The following GBE1 variants were observed in gnomAD, a reference collection of about 807,000 sequenced individuals.
GBE1 encodes 1,4-alpha-glucan-branching enzyme.
In GBE1, 70 loss-of-function variants were observed where a neutral mutation model predicts 88.8. That is an observed-to-expected ratio of 0.79 (90% CI 0.65 to 0.96). The LOEUF is 0.96. Ranked by LOEUF, GBE1 falls within the 40% of genes least tolerant of loss-of-function variation. GBE1 has a pLI of 0.00. For synonymous variants in GBE1, 284 were observed against 300.1 expected (o/e 0.95, Z 0.56); for missense variants, 872 against 871.0 (o/e 1.00, Z -0.01).
chr3:81,710,232 C>CTTTTTTTTTTTTTTTTTTTTT (rs397990331), intron 1 of GBE1, among the ~76,000 whole-genome samples: 1 of 93,206 alleles, frequency 1.1e-5, no homozygotes, highest in Admixed American at 1.4e-4. Context: ...GGTAATTAAT[C>CTTTTTTTTTTTTTTTTTTTTT]TTTTTTTTTT....
At chr3:81,651,850 A>C (rs1415002991) in intron 3 of GBE1, among the ~76,000 whole-genome samples, 7 of 152,234 alleles carry the variant, frequency 4.6e-5, no homozygotes, top group Non-Finnish European at 8.8e-5. Context: ...AGACATGAAG[A>C]ATCTACTTCA....
At chr3:81,543,175 G>T (rs1703163263) in intron 12 of GBE1, among the ~76,000 whole-genome samples, 1 of 151,872 alleles carries the variant, frequency 6.6e-6, no homozygotes. Context: ...TATTTTATTA[G>T]AAAATCATTT....
chr3:81,567,490 T>C (rs1425047739), intron 12 of GBE1, among the ~76,000 whole-genome samples: 2 of 152,194 alleles, frequency 1.3e-5, no homozygotes, highest in African/African-American at 4.8e-5. Context: ...CCATTTCATT[T>C]GAGTCTTTCA....
At chr3:81,526,092 C>T (rs1351183686) in intron 14 of GBE1, among the ~76,000 whole-genome samples, 2 of 151,990 alleles carry the variant, frequency 1.3e-5, no homozygotes, top group Admixed American at 1.3e-4. Context: ...TGTGTTTGCT[C>T]TTGCTTCTCT....
chr3:81,725,278 G>A (rs958953351), intron 1 of GBE1, among the ~76,000 whole-genome samples: 1 of 151,960 alleles, frequency 6.6e-6, no homozygotes, highest in African/African-American at 2.4e-5. Context: ...TACAACACAA[G>A]CAAGTTGTAA....
At chr3:81,660,072 T>C (rs921630735) in intron 3 of GBE1, among the ~76,000 whole-genome samples, 3 of 152,158 alleles carry the variant, frequency 2.0e-5, no homozygotes, top group Admixed American at 1.3e-4. Context: ...AATACAACCA[T>C]CAAGAAATAA....
intron 7 of GBE1, among the ~76,000 whole-genome samples, chr3:81,604,579 A>G (rs1397702634): frequency 1.3e-5 from 2 of 152,114 alleles, no homozygotes; most frequent in African/African-American, 2.4e-5. Context: ...TTTTAAATAC[A>G]ACATTAACTC....
intron 15 of GBE1, among the ~76,000 whole-genome samples, chr3:81,497,462 A>G (rs1702515674): frequency 6.6e-6 from 1 of 152,182 alleles, no homozygotes; most frequent in African/African-American, 2.4e-5. Context: ...CTCTTGCTGT[A>G]GGGAAGATAA....
chr3:81,545,691 C>A (rs1703197433), intron 12 of GBE1, among the ~76,000 whole-genome samples: 2 of 151,998 alleles, frequency 1.3e-5, no homozygotes, highest in African/African-American at 4.8e-5. Context: ...CATGGTTTCA[C>A]TTTCCATGGT....
intron 7 of GBE1, among the ~76,000 whole-genome samples, chr3:81,630,491 C>T (rs1486656903): frequency 3.3e-5 from 5 of 152,166 alleles, no homozygotes; most frequent in African/African-American, 9.7e-5. Context: ...AGGCATCACG[C>T]TACCTGACTT....
intron 10 of GBE1, among the ~76,000 whole-genome samples, chr3:81,582,644 G>A (rs568496341): frequency 1.2e-4 from 18 of 152,142 alleles, no homozygotes; most frequent in East Asian, 3.9e-4. Flanking sequence ...GAAGGTGGGC[G>A]GATGTTTCAA....
intron 12 of GBE1, among the ~76,000 whole-genome samples, chr3:81,544,403 G>C (rs899917945): frequency 4.1e-4 from 62 of 152,212 alleles, no homozygotes; most frequent in African/African-American, 1.4e-3. Context: ...ATGATCAGTA[G>C]TGTAATAGAT....
At chr3:81,619,607 G>T (rs1461553936) in intron 7 of GBE1, among the ~76,000 whole-genome samples, 1 of 151,926 alleles carries the variant, frequency 6.6e-6, no homozygotes, top group Non-Finnish European at 1.5e-5. Context: ...ATTTCATGGG[G>T]GCTCATTAAA....
chr3:81,747,575 C>A (rs1020123767), intron 1 of GBE1, among the ~76,000 whole-genome samples: 5 of 152,176 alleles, frequency 3.3e-5, no homozygotes, highest in African/African-American at 1.2e-4. Context: ...GAGCCCAAGC[C>A]AAGCCATCAC....
In GBE1 at chr3:81,567,105, G is replaced by A. The variant is rs547487979; in HGVS notation, c.1618+10820C>T. Among the ~76,000 whole-genome samples, 29 of 152,174 alleles carry A rather than the reference G, an allele frequency of 1.9e-4. No individual in the cohort carries two copies. The East Asian group carries it at 2.3e-3, about 12-fold the overall frequency. On this transcript the variant is annotated intron_variant, in intron 12 of 15. Transcript: ENST00000429644. ...AAACCCACTCCATTCTGGCTCTCAC[G>A]CTCATCATCCCCTCAGAATCAGTCT...
chr3:81,585,395 A>G (rs762289000), intron 10 of GBE1, among the ~76,000 whole-genome samples: 17 of 152,132 alleles, frequency 1.1e-4, no homozygotes, highest in Non-Finnish European at 1.5e-5. Flanking sequence ...ATTTGTATAT[A>G]TATCTGACTC....
rs368999331 is a variant in GBE1, at chr3:81,722,879, C to CGT, written c.144-17268_144-17267dup. Among the ~76,000 whole-genome samples the CGT allele has an allele frequency of 4.8e-3, 687 of 142,740 alleles. 6 individuals are homozygous for CGT. Among genetic ancestry groups the CGT allele is most frequent in the African/African-American group, 0.013 (520 of 38,616 alleles). The allele number at this position is 142,740 out of a possible 152,430, so 93.6% of individuals were successfully genotyped here. On this transcript the variant is annotated intron_variant, in intron 1 of 15. Transcript: ENST00000429644. ...TAGGGTATGTGCATGGGCACACACACGTGTGTGTGTGTGTGTGTATATATA... is the reference window on the plus strand; with the variant it reads ...TAGGGTATGTGCATGGGCACACACACGTGTGTGTGTGTGTGTGTGTATATATA...
At chr3:81,491,161 C>T (rs1702431509) in intron 15 of GBE1, among the ~76,000 whole-genome samples, 1 of 152,204 alleles carries the variant, frequency 6.6e-6, no homozygotes, top group African/African-American at 2.4e-5. Flanking sequence ...CTGCTGTAAA[C>T]ACTCTTTGCC....
chr3:81,566,910 C>G (rs1297843740), intron 12 of GBE1, among the ~76,000 whole-genome samples: 1 of 152,074 alleles, frequency 6.6e-6, no homozygotes, highest in African/African-American at 2.4e-5. Flanking sequence ...CGGAATCATC[C>G]CCTTTGAATA....
Sources: gnomAD v4.1 joint callset for allele counts (sites outside exome capture counted in the v4.1 genomes callset) on GRCh38, gnomAD v4.1.1 for gene constraint, MANE v1.5 for transcripts, NCBI Gene and HGNC (gene_info 2026-07-23, HGNC 2026-07-21) for gene names.